The following GRIK4 variants were observed in gnomAD, a reference collection of about 807,000 sequenced individuals.
GRIK4 encodes glutamate ionotropic receptor kainate type subunit 4, also known as glutamate receptor ionotropic, kainate 4.
Under a neutral mutation model 104.9 loss-of-function variants are expected in GRIK4, and 40 were observed. That is an observed-to-expected ratio of 0.38 (90% CI 0.30 to 0.50). The LOEUF is 0.50. Among genes scored for constraint, GRIK4 ranks in the 20% least tolerant of loss-of-function variants. The probability of loss-of-function intolerance (pLI) is 0.93; values close to 1 mark genes in which losing one functional copy is unlikely to be tolerated. For missense variants in GRIK4, 1,047 were observed against 1,308.1 expected (o/e 0.80, Z 3.08); for synonymous variants, 485 against 524.9 (o/e 0.92, Z 1.04).
Position 120,986,138 on chromosome 11 carries a change from A to G in GRIK4, c.2749A>G (p.Thr917Ala), listed in dbSNP as rs1944744615. 2 of 1,530,428 alleles carry G rather than the reference A, an allele frequency of 1.3e-6. No individual in the cohort carries two copies. The highest frequency in any genetic ancestry group is 1.7e-6 in the Non-Finnish European group (2 of 1,147,630). The allele number at this position is 1,530,428 out of a possible 1,614,324, so 94.8% of individuals were successfully genotyped here. A position where few individuals can be genotyped will look rare whatever the true frequency, so the allele number is the denominator to read the frequency against. Reference protein sequence around the residue: ...QEAALVARGCTHIRVCPECRR... With the variant: ...QEAALVARGCAHIRVCPECRR... The stretch of plus-strand genomic sequence containing the variant: ...GGCCGCCCTGGTGGCCCGCGGCTGC[A>G]CGCACATCCGCGTCTGCCCCGAGTG... The change falls in exon 21 of 21, where the codon ACG becomes GCG. Residue 917 changes from threonine to alanine, a missense_variant. By Grantham distance (58) the Thr-to-Ala change is moderately conservative. Coordinates refer to ENST00000527524, the MANE Select transcript of GRIK4 (RefSeq NM_014619.5).
At chr11:120,796,035 A>AT (rs34803231) in intron 3 of GRIK4, among the ~76,000 whole-genome samples, 23 of 125,428 alleles carry the variant, frequency 1.8e-4, no homozygotes, top group East Asian at 6.6e-4. Flanking sequence ...TTTTTCCTGA[A>AT]TTTTTTTTTT....
intron 1 of GRIK4, among the ~76,000 whole-genome samples, chr11:120,565,276 T>G (rs887645014): frequency 6.6e-6 from 1 of 152,226 alleles, no homozygotes; most frequent in African/African-American, 2.4e-5. Flanking sequence ...AGCCGGCGAT[T>G]AAAGGACTCT....
At chr11:120,836,959 G>T in intron 8 of GRIK4, 115 bp downstream of exon 8, 2 of 681,402 alleles carry the variant, frequency 2.9e-6, no homozygotes, top group South Asian at 1.8e-5. Flanking sequence ...AGAAGCAGAG[G>T]AGCAGAAGCC....
intron 3 of GRIK4, among the ~76,000 whole-genome samples, chr11:120,691,716 C>G (rs1297017454): frequency 1.3e-5 from 2 of 152,190 alleles, no homozygotes; most frequent in Non-Finnish European, 2.9e-5. Context: ...TCTGGCATGG[C>G]CTGAAATTTT....
At chr11:120,740,769 T>A (rs1344644854) in intron 3 of GRIK4, among the ~76,000 whole-genome samples, 1 of 152,158 alleles carries the variant, frequency 6.6e-6, no homozygotes, top group African/African-American at 2.4e-5. Flanking sequence ...CGTGAGTGCC[T>A]CAGTTAGTGT....
intron 3 of GRIK4, among the ~76,000 whole-genome samples, chr11:120,699,539 A>ATGTG (rs57345739): frequency 7.7e-4 from 112 of 145,198 alleles, no homozygotes; most frequent in Admixed American, 9.5e-4. Flanking sequence ...AGGTGTGTGT[A>ATGTG]TGTGTGTGTG....
intron 8 of GRIK4, among the ~76,000 whole-genome samples, chr11:120,854,395 T>C (rs1954052916): frequency 6.6e-6 from 1 of 152,198 alleles, no homozygotes; most frequent in Non-Finnish European, 1.5e-5. Flanking sequence ...TAGGGCCAGT[T>C]ATAACCCAAA....
At chr11:120,911,019 A>G (rs999693255) in intron 13 of GRIK4, among the ~76,000 whole-genome samples, 1 of 152,148 alleles carries the variant, frequency 6.6e-6, no homozygotes, top group Non-Finnish European at 1.5e-5. Context: ...GCAACCACAC[A>G]TAGGTGGGTC....
At chr11:120,766,960 T>A (rs11822437) in intron 3 of GRIK4, among the ~76,000 whole-genome samples, 7,578 of 152,158 alleles carry the variant, frequency 0.05, 364 homozygotes, top group African/African-American at 0.12. Context: ...CCAATGGATA[T>A]GTAGGTTGTT....
At chr11:120,770,290 C>T (rs973595593) in intron 3 of GRIK4, among the ~76,000 whole-genome samples, 2 of 152,224 alleles carry the variant, frequency 1.3e-5, no homozygotes, top group Non-Finnish European at 2.9e-5. Flanking sequence ...ATTACCTTAA[C>T]TCCCAGCATC....
intron 8 of GRIK4, among the ~76,000 whole-genome samples, chr11:120,845,650 T>TACACACAC (rs146137487): frequency 1.4e-5 from 2 of 146,138 alleles, no homozygotes; most frequent in Non-Finnish European, 3.0e-5. Flanking sequence ...TGCACACTTC[T>TACACACAC]ACACACACAC....
chr11:120,571,058 C>G (rs11217917), intron 1 of GRIK4, among the ~76,000 whole-genome samples: 37,992 of 152,064 alleles, frequency 0.25, 5,991 homozygotes, highest in Admixed American at 0.44. Context: ...TGTCTTGGAG[C>G]CTTCACTCCT....
rs755630778 is a variant in GRIK4 at position 120,967,182 on chromosome 11, G to A, written c.2267-13G>A. ...CACAACCTGTGTCCTGGGCTCTCCC[G>A]TAACCCCCGCAGGCTCGGTTTTCCG... On this transcript the variant is annotated splice_polypyrimidine_tract_variant and intron_variant, in intron 18 of 20. Coordinates refer to ENST00000527524, the MANE Select transcript of GRIK4 (RefSeq NM_014619.5). The surrounding 1 kb of genome is among the most constrained non-coding windows in gnomAD (Gnocchi z 4.2). The A allele has an allele frequency of 1.4e-5, 23 of 1,609,574 alleles. No homozygotes were observed. In the Middle Eastern group the frequency reaches 9.9e-4, roughly 69 times the overall value.
intron 3 of GRIK4, among the ~76,000 whole-genome samples, chr11:120,666,931 G>T (rs1488926145): frequency 1.3e-5 from 2 of 148,536 alleles, no homozygotes; most frequent in Admixed American, 1.3e-4. Flanking sequence ...CTCTATTTTG[G>T]TGGGGGGTGT....
intron 1 of GRIK4, among the ~76,000 whole-genome samples, chr11:120,609,785 A>C (rs1327059193): frequency 6.6e-6 from 1 of 152,042 alleles, no homozygotes. Context: ...AATTGCTGGG[A>C]TTACAGGCAT....
At position 120,787,852 on chromosome 11, in the gene GRIK4, C is replaced by CT. The variant is rs58523604; in HGVS notation, c.83-14812dup. On this transcript the variant is annotated intron_variant, in intron 3 of 20. Coordinates refer to ENST00000527524, the MANE Select transcript of GRIK4 (RefSeq NM_014619.5). ...TTTCTTCTCTTTTTTCTTTTCTTTT[C>CT]TTTTTTTTTTTTTTTTTTTTTTTTT... 2.3e-3 allele frequency among the ~76,000 whole-genome samples: 180 copies of CT among 77,068 alleles called. 20 individuals are homozygous for CT. The highest frequency in any genetic ancestry group is 3.0e-3 in the African/African-American group (48 of 16,202). The allele number at this position is 77,068 out of a possible 152,430, so 50.6% of individuals were successfully genotyped here.
At chr11:120,806,946 C>G (rs766417566) in intron 4 of GRIK4, among the ~76,000 whole-genome samples, 2 of 152,114 alleles carry the variant, frequency 1.3e-5, no homozygotes, top group Non-Finnish European at 2.9e-5. Context: ...TTCAAATAGA[C>G]AGATTTTCAT....
intron 11 of GRIK4, among the ~76,000 whole-genome samples, chr11:120,896,645 G>C (rs1372835113): frequency 1.3e-5 from 2 of 152,230 alleles, no homozygotes; most frequent in Non-Finnish European, 2.9e-5. Flanking sequence ...ACCTTCTCCA[G>C]ACTGTGAAGC....
chr11:120,680,740 C>T (rs772543936), intron 3 of GRIK4, among the ~76,000 whole-genome samples: 3 of 152,170 alleles, frequency 2.0e-5, no homozygotes, highest in Non-Finnish European at 4.4e-5. Flanking sequence ...TGAAATAGGA[C>T]AGCAAAGCAC....
Sources: allele counts gnomAD v4.1 joint callset (sites outside exome capture counted in the v4.1 genomes callset), GRCh38; gene constraint gnomAD v4.1.1; non-coding constraint Gnocchi (gnomAD v3.1); transcripts MANE v1.5; gene names NCBI Gene and HGNC (gene_info 2026-07-23, HGNC 2026-07-21).